The following CMTM1 variants were observed in gnomAD, a reference collection of about 807,000 sequenced individuals.
The protein encoded by CMTM1 is CKLF-like MARVEL transmembrane domain-containing protein 1.
A neutral mutation model predicts 17.8 loss-of-function variants in CMTM1; 16 were observed. That is an observed-to-expected ratio of 0.90 (90% CI 0.61 to 1.37). The LOEUF is 1.37. CMTM1 is among the 40% of genes most tolerant of loss of function. The pLI is 0.00. For missense variants in CMTM1, 354 were observed against 375.6 expected (o/e 0.94, Z 0.47); for synonymous variants, 169 against 154.6 (o/e 1.09, Z -0.69).
chr16:66,568,012 A>G (rs2144599468), intron 1 of CMTM1, among the ~76,000 whole-genome samples: 1 of 152,376 alleles, frequency 6.6e-6, no homozygotes, highest in South Asian at 2.1e-4. Flanking sequence ...AACTCTTTCA[A>G]GCCTTCATGG....
At chr16:66,569,779 T>TTTCATGTA (rs1419345376) in intron 1 of CMTM1, among the ~76,000 whole-genome samples, 157 bp from the exon 2 acceptor site, 1 of 152,214 alleles carries the variant, frequency 6.6e-6, no homozygotes, top group Non-Finnish European at 1.5e-5. Context: ...TTTTTATTAT[T>TTTCATGTA]TTCATGTATT....
chr16:66,567,425 C>G, intron 1 of CMTM1: 1 of 249,640 alleles, frequency 4.0e-6, no homozygotes, highest in Non-Finnish European at 7.9e-6. Context: ...TCTGTTCTTG[C>G]GTTAGTTTGC....
At chr16:66,570,183 ATC>A (rs2013288173) in intron 2 of CMTM1, 89 bp downstream of exon 2, 2 of 1,043,444 alleles carry the variant, frequency 1.9e-6, no homozygotes, top group South Asian at 1.6e-5. Flanking sequence ...CAACGGAGCT[ATC>A]TCTCTAGACA....
intron 2 of CMTM1, among the ~76,000 whole-genome samples, chr16:66,573,021 C>G (rs1314178441): frequency 6.6e-6 from 1 of 152,088 alleles, no homozygotes; most frequent in Non-Finnish European, 1.5e-5. Context: ...AGAGGATGGA[C>G]CCATACTCAG....
At chr16:66,570,219 T>A in intron 2 of CMTM1, 125 bp downstream of exon 2, 1 of 760,050 alleles carries the variant, frequency 1.3e-6, no homozygotes, top group Non-Finnish European at 2.1e-6. Flanking sequence ...GCTGTGACAG[T>A]TAGGGTGTTG....
intron 1 of CMTM1, among the ~76,000 whole-genome samples, chr16:66,568,586 A>G (rs2012978493): frequency 6.6e-6 from 1 of 152,178 alleles, no homozygotes; most frequent in South Asian, 2.1e-4. Flanking sequence ...GGAATGGGAA[A>G]TAATATTTGA....
At chr16:66,569,512 A>G (rs550601233) in intron 1 of CMTM1, among the ~76,000 whole-genome samples, 1 of 152,394 alleles carries the variant, frequency 6.6e-6, no homozygotes, top group Non-Finnish European at 1.5e-5. Flanking sequence ...TTTCAGATCA[A>G]TAGGGATAAT....
intron 2 of CMTM1, among the ~76,000 whole-genome samples, chr16:66,575,828 C>T (rs937052061): frequency 3.3e-5 from 5 of 152,212 alleles, no homozygotes; most frequent in South Asian, 2.1e-4. Flanking sequence ...TGTGTTTGGA[C>T]GAGTGTGCCA....
At chr16:66,572,997 C>T (rs562403574) in intron 2 of CMTM1, among the ~76,000 whole-genome samples, 1 of 152,180 alleles carries the variant, frequency 6.6e-6, no homozygotes, top group African/African-American at 2.4e-5. Flanking sequence ...TTGTCAAGGC[C>T]GCCTCCTCTG....
intron 2 of CMTM1, chr16:66,571,047 A>G: frequency 2.3e-6 from 1 of 431,702 alleles, no homozygotes; most frequent in Middle Eastern, 3.4e-4. Flanking sequence ...CCTTAAAGTC[A>G]GAATGTTCCT....
intron 1 of CMTM1, chr16:66,567,278 G>A: frequency 2.5e-6 from 1 of 396,220 alleles, no homozygotes; most frequent in Non-Finnish European, 4.7e-6. Context: ...ACCTACATTA[G>A]GTATTTCTCC....
Position 66,566,984 on chromosome 16 carries a change from G to T in CMTM1, c.432+39G>T. The T allele has an allele frequency of 6.2e-7, 1 of 1,607,564 alleles. No individual in the cohort carries two copies. The highest frequency in any genetic ancestry group is 8.5e-7 in the Non-Finnish European group (1 of 1,174,562). Reference sequence around the variant, plus strand: ...TGGTGAGACCTAGCTGGGCGGATGTGGCCGGCAGTGGCCTCGGGGAAATGC... The same window carrying T: ...TGGTGAGACCTAGCTGGGCGGATGTTGCCGGCAGTGGCCTCGGGGAAATGC... On this transcript the variant is annotated intron_variant, in intron 1 of 3. Transcript: ENST00000379500. This position sits in a 1 kb window ranked among gnomAD's most constrained non-coding sequence, Gnocchi z 4.9.
chr16:66,568,487 A>C (rs1373495051), intron 1 of CMTM1, among the ~76,000 whole-genome samples: 1 of 152,222 alleles, frequency 6.6e-6, no homozygotes. Flanking sequence ...ATTTAATTAA[A>C]TATCAGAAGT....
At position 66,569,244 on chromosome 16, in the gene CMTM1, ATAAG is replaced by A. The variant is rs556436735; in HGVS notation, c.433-685_433-682del. 2.5e-4 allele frequency among the ~76,000 whole-genome samples: 38 copies of A among 152,400 alleles called. No individual in the cohort carries two copies. The South Asian group carries it at 7.2e-3, about 29-fold the overall frequency. On this transcript the variant is annotated intron_variant, in intron 1 of 3. Coordinates refer to ENST00000379500, the MANE Select transcript of CMTM1 (RefSeq NM_052999.4). ...CTAAATTCTGTAATTTTTCCAAATT[ATAAG>A]TAAGTATTTCATTTAGAAATCCCAA... is the stretch of plus-strand genomic sequence containing the variant.
intron 2 of CMTM1, among the ~76,000 whole-genome samples, chr16:66,574,682 G>T (rs1370497500): frequency 6.6e-6 from 1 of 152,190 alleles, no homozygotes; most frequent in Admixed American, 6.5e-5. Context: ...ATTATGACAG[G>T]AAGTCAAAGA....
At chr16:66,567,024 C>A in intron 1 of CMTM1, 79 bp downstream of exon 1, 1 of 1,434,924 alleles carries the variant, frequency 7.0e-7, no homozygotes, top group Non-Finnish European at 9.7e-7. Context: ...GGGGTGCCAG[C>A]TCCAGAAACC....
intron 2 of CMTM1, among the ~76,000 whole-genome samples, chr16:66,574,321 G>A (rs2013964411): frequency 6.6e-6 from 1 of 152,162 alleles, no homozygotes; most frequent in African/African-American, 2.4e-5. Context: ...GCCCAGATGA[G>A]GCAAATAAGA....
rs147857070 is a variant in CMTM1 at position 66,570,865 on chromosome 16, T to C, written c.591+771T>C. Among the ~76,000 whole-genome samples the C allele has an allele frequency of 3.9e-5, 6 of 152,308 alleles. No homozygotes were observed. The East Asian group carries it at 9.6e-4, about 24-fold the overall frequency. On this transcript the variant is annotated intron_variant, in intron 2 of 3. Coordinates refer to ENST00000379500, the MANE Select transcript of CMTM1 (RefSeq NM_052999.4). ...AACATTTAAATGTGTGCAAAGCCAATAACATAGTATGTGACACAAATTAAA... is the reference window on the plus strand; with the variant it reads ...AACATTTAAATGTGTGCAAAGCCAACAACATAGTATGTGACACAAATTAAA...
chr16:66,572,931 G>C (rs2013754443), intron 2 of CMTM1, among the ~76,000 whole-genome samples: 1 of 152,232 alleles, frequency 6.6e-6, no homozygotes, highest in African/African-American at 2.4e-5. Context: ...GCCCCAAAGA[G>C]AACTTACTGC....
Sources: allele counts gnomAD v4.1 joint callset (sites outside exome capture counted in the v4.1 genomes callset), GRCh38; gene constraint gnomAD v4.1.1; non-coding constraint Gnocchi (gnomAD v3.1); transcripts MANE v1.5; gene names NCBI Gene and HGNC (gene_info 2026-07-23, HGNC 2026-07-21).